Variants in RAP1GDS1 observed in about 807,000 individuals in gnomAD.
RAP1GDS1 encodes RAP1, GTP-GDP dissociation stimulator 1.
A neutral mutation model predicts 71.1 loss-of-function variants in RAP1GDS1; 35 were observed. The ratio of observed to expected loss-of-function variants is 0.49; its 90% CI spans 0.38 to 0.65. RAP1GDS1 has a LOEUF of 0.65. Ranked by LOEUF, RAP1GDS1 falls within the 30% of genes least tolerant of loss-of-function variation. The pLI is 0.00. For missense variants in RAP1GDS1, 663 were observed against 706.1 expected, an observed-to-expected ratio of 0.94 and a Z score of 0.69; for synonymous variants, 229 against 243.1, an observed-to-expected ratio of 0.94 and a Z score of 0.54.
At chr4:98,418,398 G>C (rs1478769562) in intron 9 of RAP1GDS1, among the ~76,000 whole-genome samples, 1 of 152,072 alleles carries the variant, frequency 6.6e-6, no homozygotes, top group Non-Finnish European at 1.5e-5. Flanking sequence ...TTCTACTTCT[G>C]ATATATTATC....
At chr4:98,335,684 T>G (rs957876734) in intron 2 of RAP1GDS1, among the ~76,000 whole-genome samples, 1 of 152,090 alleles carries the variant, frequency 6.6e-6, no homozygotes, top group African/African-American at 2.4e-5. Flanking sequence ...AATGTTCTTT[T>G]AGAATGCTAG....
intron 1 of RAP1GDS1, among the ~76,000 whole-genome samples, chr4:98,266,979 T>C (rs953769397): frequency 1.3e-5 from 2 of 152,180 alleles, no homozygotes; most frequent in South Asian, 2.1e-4. Context: ...TAAATTTTAA[T>C]ATCCAGTCAT....
At chr4:98,352,727 A>T (rs1460904600) in intron 4 of RAP1GDS1, 126 bp downstream of exon 4, 3 of 887,258 alleles carry the variant, frequency 3.4e-6, no homozygotes, top group Non-Finnish European at 4.9e-6. Flanking sequence ...ATGATTCAGC[A>T]CTGCTTATTT....
At chr4:98,395,175 G>GTGA (rs1217763773) in intron 6 of RAP1GDS1, among the ~76,000 whole-genome samples, 1 of 152,076 alleles carries the variant, frequency 6.6e-6, no homozygotes, top group African/African-American at 2.4e-5. Flanking sequence ...GCATCTTTAA[G>GTGA]TGATAGTTCA....
chr4:98,361,794 C>T lies in RAP1GDS1; in HGVS notation c.361+9193C>T, dbSNP rs533117220. 1.1e-3 allele frequency among the ~76,000 whole-genome samples: 171 copies of T among 152,238 alleles called. 1 individual carries two copies. The South Asian group carries it at 0.018, about 16-fold the overall frequency. ...AAATGTATATACACCTTGAAATTTT[C>T]CCACCTAAATGCAGATTTTTAAACC... On this transcript the variant is annotated intron_variant, in intron 4 of 14. Transcript: ENST00000408927.
intron 5 of RAP1GDS1, among the ~76,000 whole-genome samples, chr4:98,380,072 C>T (rs1741762986): frequency 7.1e-6 from 1 of 140,042 alleles, no homozygotes; most frequent in African/African-American, 2.7e-5. Context: ...AAGAAATATT[C>T]TCAATAATTC....
intron 2 of RAP1GDS1, among the ~76,000 whole-genome samples, chr4:98,326,018 TAAAC>T (rs1291578676): frequency 6.6e-6 from 1 of 152,192 alleles, no homozygotes; most frequent in Non-Finnish European, 1.5e-5. Flanking sequence ...CCTGATGTCT[TAAAC>T]AAAAATGAAT....
At chr4:98,310,242 A>G (rs1004103636) in intron 2 of RAP1GDS1, among the ~76,000 whole-genome samples, 6 of 152,126 alleles carry the variant, frequency 3.9e-5, no homozygotes, top group African/African-American at 1.4e-4. Flanking sequence ...CTATCTCACA[A>G]TAATGACAGA....
At chr4:98,382,136 A>G (rs1742109342) in intron 5 of RAP1GDS1, among the ~76,000 whole-genome samples, 1 of 151,604 alleles carries the variant, frequency 6.6e-6, no homozygotes. Flanking sequence ...AAAAGTTTTA[A>G]ACTAGCTCAA....
chr4:98,372,575 A>G (rs187716716), intron 4 of RAP1GDS1, among the ~76,000 whole-genome samples: 71 of 152,312 alleles, frequency 4.7e-4, no homozygotes, highest in Admixed American at 2.1e-3. Context: ...TGTCACATTA[A>G]TTTAATCAAT....
chr4:98,410,016 T>A (rs1329744749), intron 7 of RAP1GDS1, among the ~76,000 whole-genome samples: 1 of 152,090 alleles, frequency 6.6e-6, no homozygotes, highest in Non-Finnish European at 1.5e-5. Flanking sequence ...ATGACTGCAA[T>A]CCTAATGGCT....
intron 3 of RAP1GDS1, among the ~76,000 whole-genome samples, chr4:98,351,516 G>C (rs1737183851): frequency 6.6e-6 from 1 of 152,142 alleles, no homozygotes; most frequent in Non-Finnish European, 1.5e-5. Flanking sequence ...TGAAAAGATA[G>C]TGATTTTTTT....
chr4:98,295,765 T>C (rs1727644538), intron 2 of RAP1GDS1, among the ~76,000 whole-genome samples: 1 of 152,084 alleles, frequency 6.6e-6, no homozygotes, highest in Admixed American at 6.6e-5. Context: ...TTTTCTTTAA[T>C]AAAAATAGCT....
chr4:98,264,318 C>T (rs1578233829), intron 1 of RAP1GDS1, among the ~76,000 whole-genome samples: 1 of 152,152 alleles, frequency 6.6e-6, no homozygotes, highest in Admixed American at 6.5e-5. Context: ...ATCACTTGAA[C>T]CCGGGAGGCG....
At chr4:98,405,662 G>T (rs979909250) in intron 7 of RAP1GDS1, among the ~76,000 whole-genome samples, 2 of 151,942 alleles carry the variant, frequency 1.3e-5, no homozygotes, top group South Asian at 4.2e-4. Context: ...ACATCTAGAT[G>T]CCTCATACTG....
intron 2 of RAP1GDS1, among the ~76,000 whole-genome samples, chr4:98,298,336 G>T (rs1465017380): frequency 6.6e-6 from 1 of 152,166 alleles, no homozygotes; most frequent in African/African-American, 2.4e-5. Flanking sequence ...GAAACAGCTT[G>T]GTATTGGAAG....
chr4:98,391,067 A>G (rs757974504), intron 5 of RAP1GDS1, among the ~76,000 whole-genome samples: 7 of 152,182 alleles, frequency 4.6e-5, no homozygotes, highest in Non-Finnish European at 1.0e-4. Context: ...TTGCATAAAC[A>G]TATGATTTTT....
At chr4:98,372,013 A>G (rs1049558918) in intron 4 of RAP1GDS1, among the ~76,000 whole-genome samples, 1 of 151,880 alleles carries the variant, frequency 6.6e-6, no homozygotes, top group Non-Finnish European at 1.5e-5. Context: ...CCATCTTCCT[A>G]GTTGTTTCTT....
intron 4 of RAP1GDS1, among the ~76,000 whole-genome samples, chr4:98,376,082 A>G (rs1188169697): frequency 6.6e-6 from 1 of 152,154 alleles, no homozygotes; most frequent in African/African-American, 2.4e-5. Flanking sequence ...AGCTAATGTG[A>G]AGAATGATCA....
Sources: allele counts gnomAD v4.1 joint callset (sites outside exome capture counted in the v4.1 genomes callset), GRCh38; gene constraint gnomAD v4.1.1; transcripts MANE v1.5; gene names NCBI Gene and HGNC (gene_info 2026-07-23, HGNC 2026-07-21).